HSPA12A: variants seen among roughly 807,000 people sequenced by gnomAD.
HSPA12A encodes heat shock protein family A (Hsp70) member 12A.
HSPA12A carries 28 observed loss-of-function variants against 69.2 expected under a neutral mutation model. That is an observed-to-expected ratio of 0.40 (90% CI 0.30 to 0.55). The LOEUF is 0.55. Ranked by LOEUF, HSPA12A falls within the 20% of genes least tolerant of loss-of-function variation. The pLI is 0.38. For synonymous variants in HSPA12A, 345 were observed against 370.5 expected (o/e 0.93, Z 0.79); for missense variants, 686 against 900.7 (o/e 0.76, Z 3.05).
intron 2 of HSPA12A, among the ~76,000 whole-genome samples, chr10:116,826,563 G>T (rs1182647514): frequency 6.6e-6 from 1 of 152,172 alleles, no homozygotes; most frequent in African/African-American, 2.4e-5. Flanking sequence ...AAGTACCAAA[G>T]GGAAGGGCAA....
chr10:116,747,368 G>C (rs543841861), upstream of HSPA12A, among the ~76,000 whole-genome samples: 1 of 152,276 alleles, frequency 6.6e-6, no homozygotes, highest in East Asian at 1.9e-4. Context: ...AATAGCAATG[G>C]CTCGTCTATG....
chr10:116,849,479 G>C lies in HSPA12A; in HGVS notation c.3+87C>G. The C allele has an allele frequency of 3.5e-6, 5 of 1,420,054 alleles. No individual in the cohort carries two copies. The Admixed American group carries it at 1.5e-4, about 41-fold the overall frequency. The allele number at this position is 1,420,054 out of a possible 1,614,324, so 88.0% of individuals were successfully genotyped here. On this transcript the variant is annotated intron_variant, in intron 1 of 12. Transcript: ENST00000635765. Reference sequence around the variant, plus strand: ...GCCTGGAAGCCACGCGAGATCTGGGGGTCGGGATCACGTTGCGTTGCCTAG... The same window carrying C: ...GCCTGGAAGCCACGCGAGATCTGGGCGTCGGGATCACGTTGCGTTGCCTAG...
At chr10:116,805,971 C>T (rs556845552) in intron 2 of HSPA12A, among the ~76,000 whole-genome samples, 2 of 152,334 alleles carry the variant, frequency 1.3e-5, no homozygotes, top group Admixed American at 1.3e-4. Context: ...GGCACCTAGG[C>T]AGTGGGCCTT....
rs139475214 is a variant in HSPA12A, at chr10:116,679,000, A to T, written c.1286+503T>A. Among the ~76,000 whole-genome samples the T allele has an allele frequency of 3.5e-3, 533 of 151,972 alleles. 7 individuals carry two copies. Among genetic ancestry groups the T allele is most frequent in the Middle Eastern group, 0.021 (6 of 292 alleles). On this transcript the variant is annotated intron_variant, in intron 10 of 11. Transcript: ENST00000369209. ...ATCTATTATTTTTATCTTTTTTTTTAAATTCGGCTTTAAACCGTCTTCTAA... is the reference window on the plus strand; with the variant it reads ...ATCTATTATTTTTATCTTTTTTTTTTAATTCGGCTTTAAACCGTCTTCTAA...
intron 6 of HSPA12A, among the ~76,000 whole-genome samples, chr10:116,687,979 T>C (rs1554879726): frequency 6.6e-6 from 1 of 152,150 alleles, no homozygotes; most frequent in Admixed American, 6.5e-5. Context: ...TAAAACATGA[T>C]GAGTTTTTTT....
At chr10:116,804,695 T>C (rs1845031976) in intron 2 of HSPA12A, among the ~76,000 whole-genome samples, 1 of 152,170 alleles carries the variant, frequency 6.6e-6, no homozygotes, top group East Asian at 1.9e-4. Context: ...TGTTATAAGA[T>C]TAAAACAATT....
At chr10:116,792,306 G>C (rs547147672) in intron 2 of HSPA12A, among the ~76,000 whole-genome samples, 78 of 148,180 alleles carry the variant, frequency 5.3e-4, no homozygotes, top group African/African-American at 1.9e-3. Context: ...ACAAGAATTG[G>C]GAAATGTGAA....
intron 1 of HSPA12A, among the ~76,000 whole-genome samples, chr10:116,742,223 T>C (rs1380972551): frequency 1.3e-5 from 2 of 151,770 alleles, no homozygotes; most frequent in African/African-American, 4.8e-5. Context: ...GCGCAGAACA[T>C]GTGACCCGCG....
At chr10:116,743,741 C>T (rs540516129), upstream of HSPA12A, among the ~76,000 whole-genome samples, 4 of 151,978 alleles carry the variant, frequency 2.6e-5, no homozygotes, top group South Asian at 6.2e-4. Flanking sequence ...CAGAGAGCTG[C>T]TGCGAGAGCC....
chr10:116,802,353 C>T (rs958950593), intron 2 of HSPA12A, among the ~76,000 whole-genome samples: 1 of 152,180 alleles, frequency 6.6e-6, no homozygotes, highest in East Asian at 1.9e-4. Context: ...AATGTGGCCA[C>T]AAAATAACAT....
intron 2 of HSPA12A, among the ~76,000 whole-genome samples, chr10:116,795,572 G>A (rs1399380912): frequency 6.7e-6 from 1 of 149,550 alleles, no homozygotes; most frequent in African/African-American, 2.5e-5. Context: ...TGTAATCCCA[G>A]CTACTCAGGA....
intron 2 of HSPA12A, among the ~76,000 whole-genome samples, chr10:116,780,083 C>T (rs145546342): frequency 6.6e-6 from 1 of 152,310 alleles, no homozygotes; most frequent in East Asian, 1.9e-4. Context: ...GCAAAGATCC[C>T]GTTCATCCAC....
Position 116,735,757 on chromosome 10 carries a change from G to A in HSPA12A, c.40+6673C>T, listed in dbSNP as rs141668056. Among the ~76,000 whole-genome samples, 400 of 152,112 alleles carry A rather than the reference G, an allele frequency of 2.6e-3. 1 individual carries two copies. The highest frequency in any genetic ancestry group is 9.2e-3 in the African/African-American group (380 of 41,482). On this transcript the variant is annotated intron_variant, in intron 1 of 11. Coordinates refer to ENST00000369209, the MANE Select transcript of HSPA12A (RefSeq NM_025015.3). ...CATGCCTGTAATCTCAGCACTCTGG[G>A]AGGCTGAGGCAGGAGGGTTGCTTGA... is the stretch of plus-strand genomic sequence containing the variant.
chr10:116,701,992 G>A (rs1554881690), intron 3 of HSPA12A, among the ~76,000 whole-genome samples: 1 of 152,140 alleles, frequency 6.6e-6, no homozygotes, highest in African/African-American at 2.4e-5. Flanking sequence ...TGGAGCAGAG[G>A]TGAAAGAACC....
At chr10:116,824,960 G>A (rs1159396478) in intron 2 of HSPA12A, among the ~76,000 whole-genome samples, 3 of 151,294 alleles carry the variant, frequency 2.0e-5, no homozygotes, top group Non-Finnish European at 2.9e-5. Flanking sequence ...GGCCGAGGCA[G>A]GCAGATCATT....
chr10:116,788,141 TCTCTA>T (rs1394319596), intron 2 of HSPA12A, among the ~76,000 whole-genome samples: 11 of 152,148 alleles, frequency 7.2e-5, no homozygotes, highest in African/African-American at 2.7e-4. Context: ...GTACATCCTG[TCTCTA>T]CTCTGGCCGA....
intron 1 of HSPA12A, among the ~76,000 whole-genome samples, chr10:116,720,575 A>T (rs1159378319): frequency 6.6e-6 from 1 of 152,216 alleles, no homozygotes; most frequent in African/African-American, 2.4e-5. Context: ...CTGCAGGCTG[A>T]CTTGCTGGTG....
intron 2 of HSPA12A, among the ~76,000 whole-genome samples, chr10:116,811,656 T>C (rs1298322734): frequency 6.8e-6 from 1 of 147,158 alleles, no homozygotes; most frequent in East Asian, 2.2e-4. Flanking sequence ...AGGCTAAACA[T>C]CTTCACATCT....
chr10:116,796,625 C>A (rs1844832348), intron 2 of HSPA12A, among the ~76,000 whole-genome samples: 1 of 152,168 alleles, frequency 6.6e-6, no homozygotes, highest in Admixed American at 6.5e-5. Context: ...TTTAAGACAG[C>A]AAAAGCGTTT....
Sources: allele counts gnomAD v4.1 joint callset (sites outside exome capture counted in the v4.1 genomes callset), GRCh38; gene constraint gnomAD v4.1.1; transcripts MANE v1.5; gene names NCBI Gene and HGNC (gene_info 2026-07-23, HGNC 2026-07-21).